MSI2: variants seen among roughly 807,000 people sequenced by gnomAD.
MSI2 encodes the protein musashi RNA binding protein 2.
MSI2 carries 17 observed loss-of-function variants against 45.6 expected under a neutral mutation model. The observed-to-expected ratio is 0.37, with a 90% confidence interval of 0.26 to 0.56. The LOEUF (loss-of-function observed/expected upper bound fraction) is 0.56, where lower values mean the gene tolerates loss of function less well. MSI2 is among the 20% of genes least tolerant of loss of function. The probability of loss-of-function intolerance (pLI) is 0.77; values close to 1 mark genes in which losing one functional copy is unlikely to be tolerated. For synonymous variants in MSI2, 156 were observed against 158.2 expected, an observed-to-expected ratio of 0.99 and a Z score of 0.11; for missense variants, 293 against 444.2, an observed-to-expected ratio of 0.66 and a Z score of 3.06.
At chr17:57,477,015 G>C (rs2085550357) in intron 6 of MSI2, among the ~76,000 whole-genome samples, 1 of 152,120 alleles carries the variant, frequency 6.6e-6, no homozygotes. Context: ...GCAAGTCTTT[G>C]AGACAGGGAC....
At chr17:57,396,872 C>G (rs950591012) in intron 5 of MSI2, among the ~76,000 whole-genome samples, 1 of 152,148 alleles carries the variant, frequency 6.6e-6, no homozygotes, top group East Asian at 1.9e-4. Flanking sequence ...AAAGGAGGGG[C>G]GCCTGCTGGG....
chr17:57,433,249 A>G (rs187586574), intron 6 of MSI2, among the ~76,000 whole-genome samples: 23 of 152,316 alleles, frequency 1.5e-4, no homozygotes, highest in Non-Finnish European at 2.6e-4. Flanking sequence ...TTCACCTGGA[A>G]CCTCAGAATG....
intron 7 of MSI2, among the ~76,000 whole-genome samples, chr17:57,558,103 G>A (rs1024804359): frequency 2.0e-5 from 3 of 152,114 alleles, no homozygotes; most frequent in East Asian, 1.9e-4. Flanking sequence ...TGCTGCTGGC[G>A]TGGGGAGCTG....
At chr17:57,513,717 A>G (rs1370761928) in intron 6 of MSI2, among the ~76,000 whole-genome samples, 2 of 152,120 alleles carry the variant, frequency 1.3e-5, no homozygotes, top group Admixed American at 1.3e-4. Flanking sequence ...GGGCTCTCAA[A>G]CCCTCTGGCC....
chr17:57,464,862 T>C (rs2085301667), intron 6 of MSI2, among the ~76,000 whole-genome samples: 1 of 152,128 alleles, frequency 6.6e-6, no homozygotes, highest in Non-Finnish European at 1.5e-5. Context: ...AAACGGTCCG[T>C]CTCCATCGTC....
intron 7 of MSI2, among the ~76,000 whole-genome samples, chr17:57,558,536 C>T (rs137955246): frequency 1.3e-5 from 2 of 151,832 alleles, no homozygotes; most frequent in Admixed American, 6.6e-5. Context: ...TGCCGCTCAC[C>T]GTGTGTTTTT....
intron 7 of MSI2, among the ~76,000 whole-genome samples, chr17:57,573,903 G>T (rs886078040): frequency 1.3e-5 from 2 of 152,202 alleles, no homozygotes; most frequent in African/African-American, 4.8e-5. Context: ...AGGCTAGAAG[G>T]ATTAGATATC....
At chr17:57,324,546 A>C (rs1436576359) in intron 5 of MSI2, among the ~76,000 whole-genome samples, 1 of 152,144 alleles carries the variant, frequency 6.6e-6, no homozygotes, top group South Asian at 2.1e-4. Context: ...TGGCCCATGG[A>C]TACTTATATC....
At chr17:57,374,605 C>G (rs528859236) in intron 5 of MSI2, among the ~76,000 whole-genome samples, 7 of 151,998 alleles carry the variant, frequency 4.6e-5, no homozygotes, top group Non-Finnish European at 1.5e-5. Context: ...AGTGAAACCC[C>G]ATCTCTACTA....
chr17:57,575,960 A>AAAAAAAAG (rs1555626417), intron 7 of MSI2, among the ~76,000 whole-genome samples: 7,868 of 146,374 alleles, frequency 0.054, 372 homozygotes, highest in Non-Finnish European at 0.089. Context: ...AAAAAAAAAA[A>AAAAAAAAG]AAAAAAAAAA....
At chr17:57,415,771 G>A (rs374040320) in intron 6 of MSI2, among the ~76,000 whole-genome samples, 5 of 152,078 alleles carry the variant, frequency 3.3e-5, no homozygotes, top group Admixed American at 6.5e-5. Flanking sequence ...CCAAATGGAC[G>A]GTTTTTGGAC....
intron 6 of MSI2, among the ~76,000 whole-genome samples, chr17:57,456,710 G>A (rs2085122833): frequency 6.6e-6 from 1 of 152,194 alleles, no homozygotes; most frequent in African/African-American, 2.4e-5. Context: ...CACAACTGGG[G>A]CTAAATTCCA....
intron 5 of MSI2, among the ~76,000 whole-genome samples, chr17:57,274,707 C>T (rs913629599): frequency 3.9e-5 from 6 of 152,160 alleles, no homozygotes; most frequent in South Asian, 2.1e-4. Context: ...GTATGTGACA[C>T]GGGTAGAATT....
At chr17:57,583,537 C>T (rs545424240) in intron 7 of MSI2, among the ~76,000 whole-genome samples, 4 of 140,276 alleles carry the variant, frequency 2.9e-5, no homozygotes, top group East Asian at 4.4e-4. Flanking sequence ...TTGTCCAGGC[C>T]GCAGTGGCAT....
intron 6 of MSI2, among the ~76,000 whole-genome samples, chr17:57,492,339 T>A (rs1460527095): frequency 1.3e-5 from 2 of 152,250 alleles, no homozygotes; most frequent in Non-Finnish European, 2.9e-5. Flanking sequence ...GTGGCATTAC[T>A]ATATTGGTAT....
At chr17:57,499,170 G>A (rs2086044571) in intron 6 of MSI2, among the ~76,000 whole-genome samples, 1 of 152,034 alleles carries the variant, frequency 6.6e-6, no homozygotes, top group African/African-American at 2.4e-5. Flanking sequence ...GAGGTCAGGA[G>A]TTCAAGACTA....
chr17:57,700,224 A>T, the MSI2 span, among the ~76,000 whole-genome samples: 1 of 152,232 alleles, frequency 6.6e-6, no homozygotes, highest in South Asian at 2.1e-4. Context: ...AAAGTGGTCT[A>T]GCTCGGCTGT....
At chr17:57,260,111 A>T (rs1488120667) in intron 4 of MSI2, 2 of 152,194 alleles carry the variant, frequency 1.3e-5, no homozygotes, top group African/African-American at 4.8e-5. Flanking sequence ...GGACTTGTAG[A>T]TACAGTAAGT....
At chr17:57,353,575 G>GATGT (rs1212220777) in intron 5 of MSI2, among the ~76,000 whole-genome samples, 3 of 152,206 alleles carry the variant, frequency 2.0e-5, no homozygotes, top group African/African-American at 4.8e-5. Context: ...AGTTGGTGGA[G>GATGT]ATGTAGGTGG....
Sources: allele counts gnomAD v4.1 joint callset (sites outside exome capture counted in the v4.1 genomes callset), GRCh38; gene constraint gnomAD v4.1.1; transcripts MANE v1.5; gene names NCBI Gene and HGNC (gene_info 2026-07-23, HGNC 2026-07-21).